ORC1: variants seen among roughly 807,000 people sequenced by gnomAD.
ORC1 encodes origin recognition complex, subunit 1 homolog.
A neutral mutation model predicts 98.9 loss-of-function variants in ORC1; 61 were observed. The observed-to-expected ratio is 0.62, with a 90% CI of 0.50 to 0.76. ORC1 has a LOEUF of 0.76. Among genes scored for constraint, ORC1 ranks in the 30% least tolerant of loss-of-function variants. ORC1 has a pLI of 0.00. For synonymous variants in ORC1, 385 were observed against 406.9 expected, an observed-to-expected ratio of 0.95 and a Z score of 0.65; for missense variants, 979 against 1,072.2, an observed-to-expected ratio of 0.91 and a Z score of 1.21.
intron 9 of ORC1, 63 bp from the exon 10 acceptor site, chr1:52,385,325 AT>A (rs1647128800): frequency 9.8e-7 from 1 of 1,020,886 alleles, no homozygotes; most frequent in African/African-American, 1.6e-5. Context: ...CCATCTACTC[AT>A]TAATCAATGG....
chr1:52,382,872 G>T (rs1403236601), intron 13 of ORC1, among the ~76,000 whole-genome samples: 1 of 151,276 alleles, frequency 6.6e-6, no homozygotes, highest in Admixed American at 6.6e-5. Flanking sequence ...GAGCCACTGT[G>T]CCCAGCCTAA....
rs780650369 is a variant in ORC1 at position 52,385,919 on chromosome 1, G to A, written c.1414C>T (p.Pro472Ser). The change falls in exon 9 of 17, where the codon CCT (proline) becomes TCT (serine). Residue 472 changes from proline to serine, a missense_variant. Transcript: ENST00000371568. ...GCCAGGCTTCGACTACGGATCTGAG[G>A]AGCGGCACAACGTGGCGTTCTAGGC... ...LKPRTPRCAA[P>S]QIRSRSLAAQ... The A allele has an allele frequency of 6.2e-6, 10 of 1,613,734 alleles. No homozygotes were observed. Among genetic ancestry groups the A allele is most frequent in the Middle Eastern group, 1.7e-4 (1 of 5,736 alleles).
chr1:52,392,446 A>G (rs192633885), intron 6 of ORC1, among the ~76,000 whole-genome samples: 1 of 152,284 alleles, frequency 6.6e-6, no homozygotes, highest in Admixed American at 6.5e-5. Context: ...GAACACTTCT[A>G]CACTGCTGGT....
intron 11 of ORC1, among the ~76,000 whole-genome samples, chr1:52,384,271 G>A (rs950553565): frequency 6.6e-6 from 1 of 152,112 alleles, no homozygotes; most frequent in Non-Finnish European, 1.5e-5. Flanking sequence ...GGCCTGCCAC[G>A]GACCCCTTTT....
chr1:52,400,753 G>C (rs1647666061), intron 3 of ORC1, among the ~76,000 whole-genome samples: 1 of 152,188 alleles, frequency 6.6e-6, no homozygotes, highest in Admixed American at 6.5e-5. Flanking sequence ...GGGCTTGTAG[G>C]CTCTGGTTGA....
intron 13 of ORC1, 33 bp downstream of exon 13, chr1:52,383,387 C>T (rs1412778742): frequency 6.2e-7 from 1 of 1,611,584 alleles, no homozygotes; most frequent in Non-Finnish European, 8.5e-7. Context: ...TACAGATCTG[C>T]AAGAACAGCA....
At chr1:52,384,072 T>C (rs1249795759) in intron 11 of ORC1, 135 bp from the exon 12 acceptor site, 1 of 734,238 alleles carries the variant, frequency 1.4e-6, no homozygotes, top group East Asian at 2.6e-5. Context: ...CAATCTAGTC[T>C]TAACCTTTAC....
intron 13 of ORC1, among the ~76,000 whole-genome samples, chr1:52,382,572 CTTTTTTTTT>C (rs3049207): frequency 2.8e-5 from 3 of 107,416 alleles, no homozygotes; most frequent in South Asian, 2.9e-4. Flanking sequence ...AGTGCTAAAA[CTTTTTTTTT>C]TTTTTTTTTT....
chr1:52,405,932 A>C, upstream of ORC1: 59 of 1,025,880 alleles, frequency 5.8e-5, no homozygotes, highest in Middle Eastern at 2.2e-4. Flanking sequence ...AATGTATCTC[A>C]TTTCTAGAGA....
At position 52,393,483 on chromosome 1, in the gene ORC1, C is replaced by A; in HGVS notation, c.1042G>T (p.Val348Leu). 1 of 1,614,140 alleles carries A rather than the reference C, an allele frequency of 6.2e-7. No homozygotes were observed. Among genetic ancestry groups the A allele is most frequent in the Non-Finnish European group, 8.5e-7 (1 of 1,180,008 alleles). Residue 348 changes from valine (V) to leucine (L), a missense_variant, in exon 6 of 17, where the codon GTG becomes TTG. Coordinates refer to ENST00000371568, the MANE Select transcript of ORC1 (RefSeq NM_004153.4). Reference sequence around the variant, plus strand: ...TCTGGTTTCAGAATCACGGATGGCACCACTGAAGATCTCTGTCCCCCACTG... The same window carrying A: ...TCTGGTTTCAGAATCACGGATGGCAACACTGAAGATCTCTGTCCCCCACTG... Reference protein sequence around the residue: ...PISGGQRSSVVPSVILKPENI... With the variant: ...PISGGQRSSVLPSVILKPENI...
intron 8 of ORC1, among the ~76,000 whole-genome samples, chr1:52,387,466 C>T (rs1647156974): frequency 6.6e-6 from 1 of 151,928 alleles, no homozygotes; most frequent in Non-Finnish European, 1.5e-5. Context: ...AGAGACTTTT[C>T]TTTTTTCTTG....
intron 3 of ORC1, 127 bp from the exon 4 acceptor site, chr1:52,397,990 CAG>C (rs1569953375): frequency 3.4e-6 from 3 of 894,160 alleles, no homozygotes; most frequent in Non-Finnish European, 5.4e-6. Flanking sequence ...TTTTTTGAGA[CAG>C]AGTCTCTGTC....
chr1:52,374,766 G>GTT, intron 16 of ORC1, 44 bp downstream of exon 16: 1 of 1,343,792 alleles, frequency 7.4e-7, no homozygotes, highest in African/African-American at 1.4e-5. Flanking sequence ...TTTTAAAAGC[G>GTT]TAAGTCCAAA....
intron 1 of ORC1, among the ~76,000 whole-genome samples, chr1:52,403,766 A>T (rs969964753): frequency 5.3e-5 from 8 of 152,284 alleles, no homozygotes; most frequent in African/African-American, 1.9e-4. Flanking sequence ...TGAAAAAAAG[A>T]TCTGGGTAGG....
upstream of ORC1, among the ~76,000 whole-genome samples, chr1:52,407,208 G>A (rs1477931574): frequency 2.6e-5 from 4 of 152,092 alleles, no homozygotes; most frequent in East Asian, 7.7e-4. Context: ...TACTAGAGAC[G>A]GCATTTCACC....
Position 52,385,216 on chromosome 1 carries a change from C to T in ORC1, c.1528G>A (p.Glu510Lys). Residue 510 changes from glutamate (E) to lysine (K), a missense_variant, in exon 10 of 17, where the codon GAA becomes AAA. Coordinates refer to ENST00000371568, the MANE Select transcript of ORC1 (RefSeq NM_004153.4). Reference protein sequence around the residue: ...VPESLPCREQEFQDIYNFVES... With the variant: ...VPESLPCREQKFQDIYNFVES... ...ACAAAATTGTAGATGTCTTGGAATTCCTGTTCCCGACAGGGAAGAGACTCA... is the reference window on the plus strand; with the variant it reads ...ACAAAATTGTAGATGTCTTGGAATTTCTGTTCCCGACAGGGAAGAGACTCA... The T allele has an allele frequency of 6.2e-7, 1 of 1,614,042 alleles. No individual in the cohort carries two copies. Among genetic ancestry groups the T allele is most frequent in the South Asian group, 1.1e-5 (1 of 91,076 alleles).
intron 13 of ORC1, 98 bp downstream of exon 13, chr1:52,383,322 T>A: frequency 6.9e-7 from 1 of 1,458,390 alleles, no homozygotes; most frequent in Non-Finnish European, 9.6e-7. Flanking sequence ...GTGCGGGGTT[T>A]ACAGGCGTGA....
At chr1:52,373,989 A>C (rs1375203869) in intron 16 of ORC1, among the ~76,000 whole-genome samples, 3 of 152,216 alleles carry the variant, frequency 2.0e-5, no homozygotes, top group Non-Finnish European at 2.9e-5. Context: ...TTTCCATTCT[A>C]AATATCTATG....
intron 14 of ORC1, among the ~76,000 whole-genome samples, chr1:52,379,878 A>T (rs987748125): frequency 1.5e-4 from 23 of 152,250 alleles, no homozygotes; most frequent in African/African-American, 5.5e-4. Context: ...GGTTGCGGTA[A>T]GCCGAAATTG....
Sources: allele counts gnomAD v4.1 joint callset (sites outside exome capture counted in the v4.1 genomes callset), GRCh38; gene constraint gnomAD v4.1.1; transcripts MANE v1.5; gene names NCBI Gene and HGNC (gene_info 2026-07-23, HGNC 2026-07-21).